Variants in QSOX1 observed in about 807,000 individuals in gnomAD.
QSOX1 encodes the protein quiescin sulfhydryl oxidase 1.
Under a neutral mutation model 76.1 loss-of-function variants are expected in QSOX1, and 40 were observed. The observed-to-expected ratio is 0.53, with a 90% CI of 0.41 to 0.68. The LOEUF is 0.68. QSOX1 is among the 30% of genes least tolerant of loss of function. The pLI, the probability that QSOX1 is intolerant of heterozygous loss-of-function variation, is 0.00. For missense variants in QSOX1, 931 were observed against 974.3 expected (o/e 0.96, Z 0.59); for synonymous variants, 392 against 413.1 (o/e 0.95, Z 0.62).
chr1:180,182,684 C>A (rs954041070), intron 6 of QSOX1, among the ~76,000 whole-genome samples: 8 of 152,206 alleles, frequency 5.3e-5, no homozygotes, highest in African/African-American at 1.7e-4. Context: ...GCCTGACCCT[C>A]CCTCCCTTTG....
In QSOX1 at chr1:180,165,229, G is replaced by C. The variant is rs559232202; in HGVS notation, c.266-1262G>C. On this transcript the variant is annotated intron_variant, in intron 1 of 11. Transcript: ENST00000367602. Reference sequence around the variant, plus strand: ...AGTGTTCTGTACTTAATGGGTGCTGGGTGGGCTGCCTGTGTAAATTCCACT... The same window carrying C: ...AGTGTTCTGTACTTAATGGGTGCTGCGTGGGCTGCCTGTGTAAATTCCACT... Among the ~76,000 whole-genome samples, 50 of 152,322 alleles carry C rather than the reference G, an allele frequency of 3.3e-4. 2 individuals carry two copies. Among genetic ancestry groups the C allele is most frequent in the African/African-American group, 1.2e-3 (50 of 41,552 alleles).
rs372621947 is a variant in QSOX1, at chr1:180,189,684, G to A, written c.1140+10G>A. 186 of 1,610,396 alleles carry A rather than the reference G, an allele frequency of 1.2e-4. No individual in the cohort carries two copies. Among genetic ancestry groups the A allele is most frequent in the Non-Finnish European group, 1.6e-4 (185 of 1,177,802 alleles). ...GGACGACAGGAAAGAGGTGAGTCTG[G>A]GAAGCAAATAAAGATCTCTCCATCC... On this transcript the variant is annotated intron_variant, in intron 9 of 11. Transcript: ENST00000367602.
At chr1:180,184,077 T>G in intron 7 of QSOX1, 27 bp downstream of exon 7, 1 of 1,611,756 alleles carries the variant, frequency 6.2e-7, no homozygotes, top group Non-Finnish European at 8.5e-7. Flanking sequence ...TTCTCCTCAC[T>G]TCTTCTCCTT....
intron 3 of QSOX1, among the ~76,000 whole-genome samples, chr1:180,175,674 T>G (rs1558187367): frequency 6.6e-6 from 1 of 152,138 alleles, no homozygotes; most frequent in African/African-American, 2.4e-5. Context: ...CCAGAGCCCT[T>G]GGGGAAAGTC....
intron 1 of QSOX1, among the ~76,000 whole-genome samples, chr1:180,164,536 G>T (rs1037771471): frequency 5.3e-5 from 8 of 152,154 alleles, no homozygotes; most frequent in African/African-American, 1.9e-4. Flanking sequence ...CTCCCAGCTC[G>T]CAGAGCCCCC....
At chr1:180,185,143 T>G (rs1439340491) in intron 7 of QSOX1, among the ~76,000 whole-genome samples, 1 of 152,118 alleles carries the variant, frequency 6.6e-6, no homozygotes, top group Non-Finnish European at 1.5e-5. Flanking sequence ...GACCTTGCCC[T>G]GAGGAGGAGC....
At chr1:180,171,929 T>G (rs1662767940) in intron 2 of QSOX1, among the ~76,000 whole-genome samples, 1 of 152,172 alleles carries the variant, frequency 6.6e-6, no homozygotes, top group South Asian at 2.1e-4. Context: ...TAATAACATC[T>G]GTACCAGAGA....
At chr1:180,155,542 T>A (rs968535967) in intron 1 of QSOX1, among the ~76,000 whole-genome samples, 6 of 152,178 alleles carry the variant, frequency 3.9e-5, no homozygotes, top group Admixed American at 3.3e-4. Flanking sequence ...GCCAGCCTTG[T>A]GGCAGTCCTC....
At position 180,165,301 on chromosome 1, in the gene QSOX1, C is replaced by G. The variant is rs72710699; in HGVS notation, c.266-1190C>G. On this transcript the variant is annotated intron_variant, in intron 1 of 11. Transcript: ENST00000367602. ...TTCAAATGGGAATTGTGCCTGCCAC[C>G]AGGCAGGCCTCCTCCTCCTCTCATC... Among the ~76,000 whole-genome samples the G allele has an allele frequency of 0.023, 3,446 of 152,322 alleles. 189 individuals carry two copies. In the East Asian group the frequency reaches 0.23, roughly 10 times the overall value.
intron 2 of QSOX1, among the ~76,000 whole-genome samples, chr1:180,170,283 C>T (rs1472896363): frequency 1.3e-5 from 2 of 152,158 alleles, no homozygotes; most frequent in East Asian, 1.9e-4. Context: ...GAGGTGGGCC[C>T]CTTTCTCAGC....
In QSOX1 at chr1:180,203,104, G is replaced by A. The variant is rs1663667297; in HGVS notation, c.*6067G>A. ...AAAAAAATAAAAATAAAAAAATAAA[G>A]TAAAGCTACATATTTAAAAGCTGGG... On this transcript the variant is annotated 3_prime_UTR_variant, in exon 12 of 12. Transcript: ENST00000367602. 1 of 151,714 alleles carries A rather than the reference G, an allele frequency of 6.6e-6. No homozygotes were observed. Among genetic ancestry groups the A allele is most frequent in the Non-Finnish European group, 1.5e-5 (1 of 67,948 alleles). The allele number at this position is 151,714 out of a possible 1,614,324, so 9.4% of individuals were successfully genotyped here.
chr1:180,181,977 G>C (rs568267086), intron 5 of QSOX1, among the ~76,000 whole-genome samples, 197 bp from the exon 6 acceptor site: 14 of 152,362 alleles, frequency 9.2e-5, no homozygotes, highest in Non-Finnish European at 1.6e-4. Flanking sequence ...GCAGTGATTG[G>C]CACTTGCTAC....
chr1:180,171,721 G>A (rs896352076), intron 2 of QSOX1, among the ~76,000 whole-genome samples: 4 of 152,186 alleles, frequency 2.6e-5, no homozygotes, highest in African/African-American at 4.8e-5. Context: ...AGAGACCGGG[G>A]TAGGAGATGG....
At chr1:180,186,009 T>G in intron 7 of QSOX1, 44 bp from the exon 8 acceptor site, 2 of 1,605,778 alleles carry the variant, frequency 1.2e-6, no homozygotes, top group Non-Finnish European at 1.7e-6. Context: ...CCCTGCACCA[T>G]GGTTAATACT....
At chr1:180,160,282 T>C (rs1240289875) in intron 1 of QSOX1, among the ~76,000 whole-genome samples, 1 of 151,944 alleles carries the variant, frequency 6.6e-6, no homozygotes, top group African/African-American at 2.4e-5. Context: ...TGAGTCTCAA[T>C]ACACTATGTG....
intron 11 of QSOX1, among the ~76,000 whole-genome samples, chr1:180,195,863 C>T (rs1663467967): frequency 6.6e-6 from 1 of 152,198 alleles, no homozygotes; most frequent in South Asian, 2.1e-4. Context: ...ACGAGCAGAC[C>T]GACCAAAGAC....
chr1:180,161,286 G>C (rs201051127), intron 1 of QSOX1, among the ~76,000 whole-genome samples: 1 of 152,192 alleles, frequency 6.6e-6, no homozygotes, highest in Non-Finnish European at 1.5e-5. Flanking sequence ...TGACCACGTA[G>C]GCTCTTCTTA....
In QSOX1 at chr1:180,190,706, A is replaced by T. The variant is rs1572053897; in HGVS notation, c.1288+126A>T. On this transcript the variant is annotated intron_variant, in intron 10 of 11. Transcript: ENST00000367602. Reference sequence around the variant, plus strand: ...GGCTCCCAGCTGCCAGAAGATGGGGAGAGTCAGCCTTGGGGCTCTGGCTGG... The same window carrying T: ...GGCTCCCAGCTGCCAGAAGATGGGGTGAGTCAGCCTTGGGGCTCTGGCTGG... 3.3e-6 allele frequency: 4 copies of T among 1,228,762 alleles called. No individual in the cohort carries two copies. In the East Asian group the frequency reaches 9.5e-5, roughly 29 times the overall value. The allele number at this position is 1,228,762 out of a possible 1,614,324, so 76.1% of individuals were successfully genotyped here. A position where few individuals can be genotyped will look rare whatever the true frequency, so the allele number is the denominator to read the frequency against.
At position 180,155,023 on chromosome 1, in the gene QSOX1, C is replaced by T; in HGVS notation, c.116C>T (p.Ser39Phe). 1.3e-6 allele frequency: 2 copies of T among 1,514,026 alleles called. No homozygotes were observed. Among genetic ancestry groups the T allele is most frequent in the South Asian group, 1.2e-5 (1 of 81,830 alleles). 93.8% of individuals were successfully genotyped at this position (1,514,026 alleles called of 1,614,324 possible). A position where few individuals can be genotyped will look rare whatever the true frequency, so the allele number is the denominator to read the frequency against. The change falls in exon 1 of 12, where the codon TCC becomes TTC. Residue 39 changes from serine to phenylalanine, a missense_variant. Ser to Phe is a radical substitution (Grantham distance 155). Coordinates refer to ENST00000367602, the MANE Select transcript of QSOX1 (RefSeq NM_002826.5). ...CCGCGGTCGGCGCTCTATTCGCCTT[C>T]CGACCCGCTGACGCTGCTGCAGGCG... is the stretch of plus-strand genomic sequence containing the variant. ...AAPRSALYSPSDPLTLLQADT... is the reference protein window; with the variant it reads ...AAPRSALYSPFDPLTLLQADT...
Sources: gnomAD v4.1 joint callset for allele counts (sites outside exome capture counted in the v4.1 genomes callset) on GRCh38, gnomAD v4.1.1 for gene constraint, MANE v1.5 for transcripts, NCBI Gene and HGNC (gene_info 2026-07-23, HGNC 2026-07-21) for gene names.